The following PDLIM5 variants were observed in gnomAD, a reference collection of about 807,000 sequenced individuals.
The protein encoded by PDLIM5 is PDZ and LIM domain protein 5.
A neutral mutation model predicts 64.2 loss-of-function variants in PDLIM5; 34 were observed. The ratio of observed to expected loss-of-function variants is 0.53; its 90% CI spans 0.40 to 0.71. The LOEUF (loss-of-function observed/expected upper bound fraction) is 0.71, where lower values mean the gene tolerates loss of function less well. PDLIM5 is among the 30% of genes least tolerant of loss of function. PDLIM5 has a pLI of 0.00. For synonymous variants in PDLIM5, 253 were observed against 269.1 expected (o/e 0.94, Z 0.59); for missense variants, 683 against 733.6 (o/e 0.93, Z 0.80).
At chr4:94,612,473 A>G (rs10023909) in intron 7 of PDLIM5, among the ~76,000 whole-genome samples, 11,231 of 152,202 alleles carry the variant, frequency 0.074, 667 homozygotes, top group African/African-American at 0.16. Context: ...GTACTTGAGT[A>G]CACTTAGACC....
At chr4:94,466,473 AT>A (rs1293580747) in intron 2 of PDLIM5, among the ~76,000 whole-genome samples, 1 of 152,310 alleles carries the variant, frequency 6.6e-6, no homozygotes, top group Non-Finnish European at 1.5e-5. Context: ...TAGATTCCAC[AT>A]TTTTAACATG....
intron 8 of PDLIM5, among the ~76,000 whole-genome samples, chr4:94,632,620 G>A (rs1230635729): frequency 2.0e-5 from 3 of 152,134 alleles, no homozygotes; most frequent in African/African-American, 4.8e-5. Context: ...ATGGCAAAAA[G>A]GAATTAAGTT....
At chr4:94,624,549 T>G (rs1035700817) in intron 8 of PDLIM5, among the ~76,000 whole-genome samples, 1 of 152,008 alleles carries the variant, frequency 6.6e-6, no homozygotes, top group Non-Finnish European at 1.5e-5. Flanking sequence ...AGAAAAAGAC[T>G]TAAAGTTCTG....
chr4:94,564,814 C>T (rs1349916339), intron 3 of PDLIM5, among the ~76,000 whole-genome samples: 1 of 151,924 alleles, frequency 6.6e-6, no homozygotes, highest in Non-Finnish European at 1.5e-5. Flanking sequence ...TGCCACCACG[C>T]CCAGCTAATT....
chr4:94,456,640 A>G (rs1723399650), intron 2 of PDLIM5: 3 of 872,510 alleles, frequency 3.4e-6, no homozygotes, highest in Admixed American at 2.5e-5. Flanking sequence ...CCAATCCCCT[A>G]CTGAAGAGTA....
intron 7 of PDLIM5, among the ~76,000 whole-genome samples, chr4:94,612,500 G>T (rs949934550): frequency 1.2e-4 from 19 of 152,138 alleles, no homozygotes; most frequent in African/African-American, 3.9e-4. Context: ...TTAGGACCCG[G>T]TAAGAGCTAT....
intron 3 of PDLIM5, among the ~76,000 whole-genome samples, chr4:94,534,465 G>A (rs1412510952): frequency 6.6e-6 from 1 of 152,080 alleles, no homozygotes; most frequent in Non-Finnish European, 1.5e-5. Context: ...ATAAGAGGTG[G>A]ACATAAAGAG....
Position 94,540,234 on chromosome 4 carries a change from G to A in PDLIM5, c.248+16359G>A, listed in dbSNP as rs1578336184. Among the ~76,000 whole-genome samples the A allele has an allele frequency of 6.0e-5, 9 of 151,204 alleles. No individual in the cohort carries two copies. In the South Asian group the frequency reaches 1.9e-3, roughly 32 times the overall value. On this transcript the variant is annotated intron_variant, in intron 3 of 12. Coordinates refer to ENST00000317968, the MANE Select transcript of PDLIM5 (RefSeq NM_006457.5). ...CAAGCTCTGCCTCCCGGGTTCACACGCCATTCTCCTGCCTCAGCCTCCTGA... is the reference window on the plus strand; with the variant it reads ...CAAGCTCTGCCTCCCGGGTTCACACACCATTCTCCTGCCTCAGCCTCCTGA...
At chr4:94,478,456 G>A (rs1192162522) in intron 2 of PDLIM5, among the ~76,000 whole-genome samples, 1 of 151,940 alleles carries the variant, frequency 6.6e-6, no homozygotes, top group Non-Finnish European at 1.5e-5. Context: ...CGTTGTTCAA[G>A]AGTCAACTGT....
At chr4:94,627,192 T>A (rs1265429841) in intron 8 of PDLIM5, among the ~76,000 whole-genome samples, 2 of 152,228 alleles carry the variant, frequency 1.3e-5, no homozygotes, top group African/African-American at 4.8e-5. Context: ...ACTGGAGCTG[T>A]CCATTGTCAA....
intron 9 of PDLIM5, among the ~76,000 whole-genome samples, chr4:94,644,617 C>T (rs774475650): frequency 1.3e-5 from 2 of 151,792 alleles, no homozygotes; most frequent in South Asian, 2.1e-4. Context: ...CCTCGGCTCA[C>T]TGCAACCTCC....
intron 1 of PDLIM5, among the ~76,000 whole-genome samples, chr4:94,453,202 G>C (rs1723022192): frequency 1.3e-5 from 2 of 152,276 alleles, no homozygotes; most frequent in African/African-American, 4.8e-5. Flanking sequence ...AGAGTATGCT[G>C]CTATTTCCTG....
At chr4:94,500,872 C>T (rs1366275899) in intron 2 of PDLIM5, among the ~76,000 whole-genome samples, 2 of 152,118 alleles carry the variant, frequency 1.3e-5, no homozygotes, top group Non-Finnish European at 2.9e-5. Context: ...CACCCTCCAC[C>T]TCCCAGGCTC....
At chr4:94,587,808 T>C (rs1736360260) in intron 7 of PDLIM5, 2 of 887,094 alleles carry the variant, frequency 2.3e-6, no homozygotes, top group South Asian at 5.2e-5. Flanking sequence ...TGGATATTTT[T>C]AGAATATAGA....
At chr4:94,610,176 A>C in intron 7 of PDLIM5, 1 of 1,525,286 alleles carries the variant, frequency 6.6e-7, no homozygotes, top group Non-Finnish European at 8.8e-7. Context: ...GCAGCTCCAC[A>C]GGAAATGTGG....
chr4:94,603,179 C>T lies in PDLIM5; in HGVS notation c.921-14825C>T, dbSNP rs552480258. Among the ~76,000 whole-genome samples, 21 of 152,124 alleles carry T rather than the reference C, an allele frequency of 1.4e-4. No individual in the cohort carries two copies. In the South Asian group the frequency reaches 4.4e-3, roughly 32 times the overall value. The stretch of plus-strand genomic sequence containing the variant: ...GGGATTTTGTAGAGAATGTTAAGCA[C>T]TTTGGGTATTATCCTAACTGCAGTA... On this transcript the variant is annotated intron_variant, in intron 7 of 12. Coordinates refer to ENST00000317968, the MANE Select transcript of PDLIM5 (RefSeq NM_006457.5).
chr4:94,580,799 A>G, intron 5 of PDLIM5, among the ~76,000 whole-genome samples: 1 of 152,130 alleles, frequency 6.6e-6, no homozygotes, highest in Middle Eastern at 3.4e-3. Flanking sequence ...CCAAATTTTG[A>G]TGTGCCTTTC....
At chr4:94,547,876 C>T (rs72878415) in intron 3 of PDLIM5, among the ~76,000 whole-genome samples, 8,462 of 152,156 alleles carry the variant, frequency 0.056, 782 homozygotes, top group African/African-American at 0.19. Flanking sequence ...ATTTTCTATA[C>T]CAGAGTCATT....
At chr4:94,618,274 C>A in intron 8 of PDLIM5, 83 bp downstream of exon 8, 1 of 903,128 alleles carries the variant, frequency 1.1e-6, no homozygotes, top group Non-Finnish European at 1.6e-6. Flanking sequence ...TGGTAGAATT[C>A]ACTGGTAAAA....
Sources: allele counts gnomAD v4.1 joint callset (sites outside exome capture counted in the v4.1 genomes callset), GRCh38; gene constraint gnomAD v4.1.1; transcripts MANE v1.5; gene names NCBI Gene and HGNC (gene_info 2026-07-23, HGNC 2026-07-21).